The following VPS35L variants were observed in gnomAD, a reference collection of about 807,000 sequenced individuals.
The protein encoded by VPS35L is VPS35 endosomal protein-sorting factor-like.
Under a neutral mutation model 133.0 loss-of-function variants are expected in VPS35L, and 83 were observed. That is an observed-to-expected ratio of 0.62 (90% confidence interval 0.52 to 0.75). The LOEUF (loss-of-function observed/expected upper bound fraction) is 0.75, where lower values mean the gene tolerates loss of function less well. Ranked by LOEUF, VPS35L falls within the 30% of genes least tolerant of loss-of-function variation. VPS35L has a pLI of 0.00. For synonymous variants in VPS35L, 423 were observed against 449.9 expected (o/e 0.94, Z 0.76); for missense variants, 1,083 against 1,206.8 (o/e 0.90, Z 1.52).
intron 27 of VPS35L, among the ~76,000 whole-genome samples, chr16:19,677,966 A>G (rs559697426): frequency 1.9e-4 from 29 of 152,322 alleles, no homozygotes; most frequent in Non-Finnish European, 4.0e-4. Context: ...GTTTCACAGA[A>G]GTGGAAACTG....
chr16:19,602,269 T>C (rs1318913113), intron 9 of VPS35L, among the ~76,000 whole-genome samples: 3 of 152,114 alleles, frequency 2.0e-5, no homozygotes, highest in African/African-American at 7.2e-5. Context: ...TGTCTGGCAA[T>C]GCAGGACTCT....
At chr16:19,562,633 T>C (rs984600601) in intron 1 of VPS35L, among the ~76,000 whole-genome samples, 9 of 152,156 alleles carry the variant, frequency 5.9e-5, no homozygotes, top group African/African-American at 2.2e-4. Context: ...TTAAAAAAGA[T>C]TTTAAACCAT....
chr16:19,616,933 C>A (rs768273953), intron 14 of VPS35L, 125 bp downstream of exon 14: 3 of 1,390,640 alleles, frequency 2.2e-6, no homozygotes, highest in South Asian at 1.2e-5. Context: ...GCTAGCCAGC[C>A]TTTATAGAGG....
At chr16:19,680,187 G>T (rs575911084) in intron 27 of VPS35L, among the ~76,000 whole-genome samples, 1 of 152,180 alleles carries the variant, frequency 6.6e-6, no homozygotes, top group Non-Finnish European at 1.5e-5. Context: ...GCGAAATGGG[G>T]CTTCGTCGTA....
chr16:19,562,998 C>T (rs1971074658), intron 1 of VPS35L, among the ~76,000 whole-genome samples: 1 of 152,010 alleles, frequency 6.6e-6, no homozygotes, highest in Non-Finnish European at 1.5e-5. Flanking sequence ...CTCCTGGGCT[C>T]AAGCAGTCCA....
At chr16:19,613,421 A>T in intron 12 of VPS35L, among the ~76,000 whole-genome samples, 1 of 152,222 alleles carries the variant, frequency 6.6e-6, no homozygotes, top group South Asian at 2.1e-4. Context: ...GTGTCTGGAG[A>T]GGCCAGGGTT....
rs767016030 is a variant in VPS35L, at chr16:19,555,722, C to T, written c.-8C>T. 2.5e-6 allele frequency: 4 copies of T among 1,598,216 alleles called. No homozygotes were observed. The South Asian group carries it at 3.4e-5, about 13-fold the overall frequency. On this transcript the variant is annotated 5_prime_UTR_variant, in exon 1 of 31. Transcript: ENST00000417362. The stretch of plus-strand genomic sequence containing the variant: ...GGCCCCAGAACAAGCGGTCATGTGA[C>T]TGGGAAGATGGCCGTCTTTCCTTGG...
chr16:19,685,386 T>C (rs936897100), intron 28 of VPS35L, among the ~76,000 whole-genome samples: 1 of 152,252 alleles, frequency 6.6e-6, no homozygotes, highest in Non-Finnish European at 1.5e-5. Flanking sequence ...TTTGCATTGC[T>C]GTATAGTATT....
chr16:19,594,461 T>C (rs540943334), intron 8 of VPS35L, among the ~76,000 whole-genome samples: 28 of 151,864 alleles, frequency 1.8e-4, no homozygotes, highest in African/African-American at 6.5e-4. Context: ...CTGGCTAACA[T>C]GGTGAAACCC....
intron 15 of VPS35L, among the ~76,000 whole-genome samples, chr16:19,626,664 G>C (rs1326399394): frequency 6.6e-6 from 1 of 152,042 alleles, no homozygotes; most frequent in African/African-American, 2.4e-5. Flanking sequence ...CAGGAGACTG[G>C]GGCAGGAGAA....
At chr16:19,562,691 T>C (rs2151499330) in intron 1 of VPS35L, among the ~76,000 whole-genome samples, 1 of 152,298 alleles carries the variant, frequency 6.6e-6, no homozygotes, top group South Asian at 2.1e-4. Flanking sequence ...GATTAAGAAA[T>C]GTAAAGACAA....
At chr16:19,579,976 G>A (rs1033593698) in intron 6 of VPS35L, 1 of 151,754 alleles carries the variant, frequency 6.6e-6, no homozygotes, top group Non-Finnish European at 1.5e-5. Flanking sequence ...GAGGCAGGTG[G>A]ATCTCCTGAG....
At chr16:19,570,468 A>G (rs1010187962) in intron 3 of VPS35L, among the ~76,000 whole-genome samples, 13 of 152,162 alleles carry the variant, frequency 8.5e-5, no homozygotes, top group Non-Finnish European at 1.6e-4. Flanking sequence ...CACTACAGAT[A>G]AAGTCATGTA....
At chr16:19,665,630 A>C (rs1974638927) in intron 26 of VPS35L, among the ~76,000 whole-genome samples, 1 of 152,224 alleles carries the variant, frequency 6.6e-6, no homozygotes, top group African/African-American at 2.4e-5. Flanking sequence ...GAACAGTGCT[A>C]AAACAAACAG....
chr16:19,638,873 G>A (rs994080270), intron 20 of VPS35L, among the ~76,000 whole-genome samples: 1 of 152,166 alleles, frequency 6.6e-6, no homozygotes, highest in Non-Finnish European at 1.5e-5. Context: ...CAGAGGCCAA[G>A]GCAGGCAGAT....
intron 12 of VPS35L, among the ~76,000 whole-genome samples, chr16:19,613,484 C>G (rs1438712622): frequency 1.3e-5 from 2 of 152,196 alleles, no homozygotes; most frequent in African/African-American, 4.8e-5. Flanking sequence ...AAGAATCAGC[C>G]TCTCCCCACA....
intron 27 of VPS35L, among the ~76,000 whole-genome samples, chr16:19,675,078 G>T (rs61498115): frequency 0.092 from 13,857 of 151,206 alleles, 866 homozygotes; most frequent in East Asian, 0.21. Flanking sequence ...CAGCCTCTTT[G>T]AATAGTTGGG....
chr16:19,648,235 G>A (rs1295060897), intron 24 of VPS35L, among the ~76,000 whole-genome samples: 1 of 152,088 alleles, frequency 6.6e-6, no homozygotes, highest in East Asian at 1.9e-4. Context: ...AAAATGCTGG[G>A]ATTACAGGAA....
intron 26 of VPS35L, among the ~76,000 whole-genome samples, chr16:19,657,468 C>T (rs1311364681): frequency 3.3e-5 from 5 of 152,124 alleles, no homozygotes; most frequent in Non-Finnish European, 5.9e-5. Flanking sequence ...TCATCCTGTA[C>T]GATATATTAT....
Sources: allele counts gnomAD v4.1 joint callset (sites outside exome capture counted in the v4.1 genomes callset), GRCh38; gene constraint gnomAD v4.1.1; transcripts MANE v1.5; gene names NCBI Gene and HGNC (gene_info 2026-07-23, HGNC 2026-07-21).